TENM1: variants seen among roughly 807,000 people sequenced by gnomAD.
TENM1 encodes teneurin transmembrane protein 1.
TENM1 carries 35 observed loss-of-function variants against 174.8 expected under a neutral mutation model. That is an observed-to-expected ratio of 0.20 (90% CI 0.15 to 0.27). The LOEUF (loss-of-function observed/expected upper bound fraction) is 0.27. Among genes scored for constraint, TENM1 ranks in the 10% least tolerant of loss-of-function variants. The pLI, the probability that TENM1 is intolerant of heterozygous loss-of-function variation, is 1.00. For missense variants in TENM1, 1,633 were observed against 2,130.1 expected (o/e 0.77, Z 4.59); for synonymous variants, 781 against 798.7 (o/e 0.98, Z 0.37).
At chrX:124,458,107 A>G (rs1265108354) in intron 22 of TENM1, among the ~76,000 whole-genome samples, 1 of 111,875 alleles carries the variant, frequency 8.9e-6, no homozygotes, top group African/African-American at 3.2e-5. Flanking sequence ...CTGATTCAAA[A>G]ATGTTCTTTT....
chrX:124,591,710 T>C (rs1462776326), intron 11 of TENM1, among the ~76,000 whole-genome samples: 2 of 111,746 alleles, frequency 1.8e-5, no homozygotes, highest in Non-Finnish European at 3.8e-5. Flanking sequence ...ATTGGTGATG[T>C]TCATTCTGTA....
intron 3 of TENM1, among the ~76,000 whole-genome samples, chrX:124,753,945 A>G (rs1258530314): frequency 9.0e-6 from 1 of 111,495 alleles, no homozygotes; most frequent in African/African-American, 3.3e-5. Flanking sequence ...TTGGTCTAAA[A>G]TTCTCTTTTT....
chrX:125,149,461 G>A, the TENM1 span, among the ~76,000 whole-genome samples: 76 of 111,895 alleles, frequency 6.8e-4, no homozygotes, highest in Non-Finnish European at 1.3e-3. Flanking sequence ...GATAGTAATG[G>A]CATCTCATCC....
At chrX:124,796,934 T>C (rs979181685) in intron 3 of TENM1, among the ~76,000 whole-genome samples, 1 of 111,931 alleles carries the variant, frequency 8.9e-6, no homozygotes, top group African/African-American at 3.2e-5. Flanking sequence ...AGATTTCTAC[T>C]AGCTTCTCTT....
chrX:124,714,647 T>C (rs2053136887), intron 4 of TENM1, among the ~76,000 whole-genome samples: 3 of 111,569 alleles, frequency 2.7e-5, no homozygotes, highest in African/African-American at 9.8e-5. Flanking sequence ...TTTCATGCAG[T>C]ACTGTACTGG....
chrX:124,859,271 G>A (rs5958609), intron 3 of TENM1, among the ~76,000 whole-genome samples: 4,833 of 110,190 alleles, frequency 0.044, 246 homozygotes, highest in African/African-American at 0.15. Context: ...TTGGCCAGGC[G>A]CGGTGGCTCA....
intron 3 of TENM1, among the ~76,000 whole-genome samples, chrX:124,787,620 T>G (rs1603199150): frequency 8.9e-6 from 1 of 111,919 alleles, no homozygotes; most frequent in African/African-American, 3.3e-5. Flanking sequence ...GAAATTTGCC[T>G]GTTTGGGGAG....
At chrX:124,978,007 AGAGAGAGAGAGAGAG>A in the TENM1 span, among the ~76,000 whole-genome samples, 17 of 87,679 alleles carry the variant, frequency 1.9e-4, no homozygotes, top group African/African-American at 7.1e-4. Flanking sequence ...AGAGAGAGAG[AGAGAGAGAGAGAGAG>A]ATCTTTTTCC....
At chrX:124,517,529 G>A (rs1023142884) in intron 18 of TENM1, among the ~76,000 whole-genome samples, 1 of 108,476 alleles carries the variant, frequency 9.2e-6, no homozygotes, top group Non-Finnish European at 1.9e-5. Flanking sequence ...GGATGAAGCT[G>A]GAAACCGTCA....
intron 3 of TENM1, among the ~76,000 whole-genome samples, chrX:124,842,138 C>A (rs1297873670): frequency 9.0e-6 from 1 of 111,565 alleles, no homozygotes; most frequent in Non-Finnish European, 1.9e-5. Context: ...TTCCTCATCA[C>A]CCCTTGGGAT....
At chrX:124,640,297 G>C (rs1162121725) in intron 11 of TENM1, among the ~76,000 whole-genome samples, 1 of 111,331 alleles carries the variant, frequency 9.0e-6, no homozygotes, top group African/African-American at 3.3e-5. Context: ...AGTATTGTTA[G>C]AATTGCAGTG....
intron 3 of TENM1, among the ~76,000 whole-genome samples, chrX:124,750,990 G>A (rs1301403887): frequency 8.9e-6 from 1 of 111,949 alleles, no homozygotes; most frequent in African/African-American, 3.2e-5. Context: ...TTTTAATTTT[G>A]AGTAGCAAAT....
At chrX:125,109,035 T>G in the TENM1 span, among the ~76,000 whole-genome samples, 1 of 111,196 alleles carries the variant, frequency 9.0e-6, no homozygotes, top group Admixed American at 9.6e-5. Flanking sequence ...CTGTCTCAAA[T>G]GTCCTCCCTT....
rs751693287 is a variant in TENM1, at chrX:124,714,045, T to C, written c.777-8794A>G. 7.5e-3 allele frequency among the ~76,000 whole-genome samples: 838 copies of C among 112,239 alleles called. 5 individuals are homozygous for C. Among genetic ancestry groups the C allele is most frequent in the African/African-American group, 0.026 (800 of 30,924 alleles). On this transcript the variant is annotated intron_variant, in intron 4 of 31. Transcript: ENST00000422452. ...GCTGTTAATGATAATGGCAACATCA[T>C]TGTCCACTTACTGAACATCTATTAT...
intron 5 of TENM1, among the ~76,000 whole-genome samples, chrX:124,686,476 C>T (rs2052367653): frequency 8.9e-6 from 1 of 111,950 alleles, no homozygotes; most frequent in African/African-American, 3.2e-5. Flanking sequence ...TATTTTAAAA[C>T]AATATATTGC....
chrX:124,725,301 T>C (rs2053419930), intron 4 of TENM1, among the ~76,000 whole-genome samples: 1 of 111,839 alleles, frequency 8.9e-6, no homozygotes, highest in Admixed American at 9.5e-5. Context: ...TGTTCTCTGT[T>C]GTAGCCCCAG....
intron 11 of TENM1, among the ~76,000 whole-genome samples, chrX:124,620,978 T>C (rs758370608): frequency 3.6e-5 from 4 of 111,838 alleles, no homozygotes; most frequent in African/African-American, 1.3e-4. Context: ...AGGAGTTACT[T>C]AGCGGCCCAA....
the TENM1 span, among the ~76,000 whole-genome samples, chrX:125,127,296 G>A: frequency 8.9e-6 from 1 of 111,788 alleles, no homozygotes; most frequent in Admixed American, 9.5e-5. Context: ...TAGTATTGGA[G>A]AAATTCGACT....
the TENM1 span, among the ~76,000 whole-genome samples, chrX:125,034,367 C>T: frequency 9.0e-6 from 1 of 111,361 alleles, no homozygotes; most frequent in South Asian, 3.7e-4. Context: ...CTCCACTGCC[C>T]GACAAATTCT....
Sources: gnomAD v4.1 joint callset for allele counts (sites outside exome capture counted in the v4.1 genomes callset) on GRCh38, gnomAD v4.1.1 for gene constraint, MANE v1.5 for transcripts, NCBI Gene and HGNC (gene_info 2026-07-23, HGNC 2026-07-21) for gene names.